Variants in PIP5K1B observed in about 807,000 individuals in gnomAD.
The protein encoded by PIP5K1B is phosphatidylinositol-4-phosphate 5-kinase type 1 beta, also known as phosphatidylinositol 4-phosphate 5-kinase type-1 beta.
A neutral mutation model predicts 67.0 loss-of-function variants in PIP5K1B; 42 were observed. That is an observed-to-expected ratio of 0.63 (90% CI 0.49 to 0.81). The LOEUF is 0.81. PIP5K1B is among the 30% of genes least tolerant of loss of function. The probability of loss-of-function intolerance (pLI) is 0.00; values close to 1 mark genes in which losing one functional copy is unlikely to be tolerated. For missense variants in PIP5K1B, 459 were observed against 646.3 expected (o/e 0.71, Z 3.14); for synonymous variants, 214 against 231.4 (o/e 0.92, Z 0.68).
intron 4 of PIP5K1B, among the ~76,000 whole-genome samples, chr9:68,854,027 T>TTTA (rs67326015): frequency 0.25 from 36,852 of 147,700 alleles, 5,222 homozygotes; most frequent in Middle Eastern, 0.37. Flanking sequence ...TATATAAGTT[T>TTTA]TTATTATTAT....
chr9:68,780,011 T>C (rs952396354), intron 2 of PIP5K1B: 9 of 1,030,626 alleles, frequency 8.7e-6, no homozygotes, highest in Non-Finnish European at 1.2e-5. Flanking sequence ...AGTACGGACA[T>C]CGCGAGCGCC....
intron 4 of PIP5K1B, among the ~76,000 whole-genome samples, chr9:68,844,834 A>G (rs1822106642): frequency 6.6e-6 from 1 of 152,226 alleles, no homozygotes; most frequent in Admixed American, 6.5e-5. Flanking sequence ...CTTGTGAGAA[A>G]AATGACTGCC....
At chr9:68,879,469 GA>G (rs1824063970) in intron 6 of PIP5K1B, among the ~76,000 whole-genome samples, 2 of 152,328 alleles carry the variant, frequency 1.3e-5, no homozygotes, top group South Asian at 4.1e-4. Context: ...TCGGGAGGCT[GA>G]GGCAGGAGAA....
intron 1 of PIP5K1B, among the ~76,000 whole-genome samples, chr9:68,726,224 A>G (rs562350861): frequency 6.6e-6 from 1 of 152,314 alleles, no homozygotes; most frequent in East Asian, 1.9e-4. Flanking sequence ...CCTGTATCAA[A>G]ATAATCTCAT....
chr9:68,865,439 C>T (rs1022970980), intron 5 of PIP5K1B, among the ~76,000 whole-genome samples: 1 of 152,104 alleles, frequency 6.6e-6, no homozygotes, highest in African/African-American at 2.4e-5. Flanking sequence ...TTTGAGCTCT[C>T]ATGGTCTCCA....
chr9:68,899,432 T>G (rs1428129634), intron 8 of PIP5K1B, among the ~76,000 whole-genome samples: 1 of 151,220 alleles, frequency 6.6e-6, no homozygotes, highest in African/African-American at 2.4e-5. Flanking sequence ...AATATGTATT[T>G]GAACAGAGGA....
chr9:68,935,143 A>C (rs756541436), intron 13 of PIP5K1B, 98 bp downstream of exon 13: 113 of 970,486 alleles, frequency 1.2e-4, no homozygotes, highest in Middle Eastern at 5.7e-4. Context: ...CTGCTCTAAG[A>C]AATAAAATAT....
At chr9:68,767,912 G>T (rs1830509866) in intron 2 of PIP5K1B, among the ~76,000 whole-genome samples, 1 of 151,368 alleles carries the variant, frequency 6.6e-6, no homozygotes, top group South Asian at 2.1e-4. Context: ...ACTTTTAAAG[G>T]AATAAATAAA....
intron 5 of PIP5K1B, among the ~76,000 whole-genome samples, chr9:68,876,160 G>A (rs1487538835): frequency 1.3e-5 from 2 of 152,106 alleles, no homozygotes; most frequent in African/African-American, 4.8e-5. Flanking sequence ...AATATGTAAG[G>A]TCTCCTTTTT....
chr9:68,966,019 G>A (rs1829012064), intron 14 of PIP5K1B, among the ~76,000 whole-genome samples: 1 of 149,632 alleles, frequency 6.7e-6, no homozygotes, highest in African/African-American at 2.5e-5. Flanking sequence ...AAACAAAACA[G>A]TGGGGGTGTG....
intron 1 of PIP5K1B, among the ~76,000 whole-genome samples, chr9:68,731,478 C>G (rs1158500465): frequency 2.0e-5 from 3 of 152,142 alleles, no homozygotes; most frequent in Admixed American, 2.0e-4. Flanking sequence ...ATGCTACTTC[C>G]TTTCACTTTT....
chr9:68,933,054 T>C (rs895047348), intron 12 of PIP5K1B, among the ~76,000 whole-genome samples: 2 of 151,036 alleles, frequency 1.3e-5, no homozygotes, highest in African/African-American at 4.9e-5. Context: ...GAGCCGAGAT[T>C]GCGCCATTCT....
At chr9:68,940,942 A>G (rs1827529915) in intron 14 of PIP5K1B, 152 bp downstream of exon 14, 5 of 758,510 alleles carry the variant, frequency 6.6e-6, no homozygotes, top group Non-Finnish European at 1.2e-5. Flanking sequence ...CTTGATTTTT[A>G]CTGTGGCAAA....
At chr9:68,762,934 G>A (rs747015011) in intron 2 of PIP5K1B, among the ~76,000 whole-genome samples, 2 of 152,064 alleles carry the variant, frequency 1.3e-5, no homozygotes, top group Admixed American at 6.6e-5. Context: ...CTGGAGTAGC[G>A]CAGTTATCGA....
rs1825881588 is a variant in PIP5K1B at position 68,912,074 on chromosome 9, C to T, written c.772-5474C>T. Reference sequence around the variant, plus strand: ...TCTCCCTCGAGCTCCCCAGCTGCCCCTACTCATTCAAGTATTACCCTCTCT... The same window carrying T: ...TCTCCCTCGAGCTCCCCAGCTGCCCTTACTCATTCAAGTATTACCCTCTCT... On this transcript the variant is annotated intron_variant, in intron 8 of 15. Transcript: ENST00000265382. 2.0e-5 allele frequency among the ~76,000 whole-genome samples: 3 copies of T among 152,116 alleles called. No individual in the cohort carries two copies. The South Asian group carries it at 6.2e-4, about 32-fold the overall frequency.
intron 12 of PIP5K1B, among the ~76,000 whole-genome samples, chr9:68,934,502 A>G (rs146896835): frequency 0.019 from 2,873 of 152,336 alleles, 36 homozygotes; most frequent in Non-Finnish European, 0.029. Flanking sequence ...ATACTTTACC[A>G]TCTGTGCTTA....
At chr9:68,833,526 G>A (rs556189626) in intron 4 of PIP5K1B, among the ~76,000 whole-genome samples, 2 of 152,324 alleles carry the variant, frequency 1.3e-5, no homozygotes, top group South Asian at 2.1e-4. Context: ...AGAACTGAGG[G>A]GAGTAGGTGC....
intron 8 of PIP5K1B, among the ~76,000 whole-genome samples, chr9:68,913,822 A>AT (rs1825963487): frequency 6.6e-6 from 1 of 151,916 alleles, no homozygotes; most frequent in African/African-American, 2.4e-5. Flanking sequence ...TCTTTTTAAT[A>AT]TTTTTTATCA....
At position 68,937,352 on chromosome 9, in the gene PIP5K1B, A is replaced by C. The variant is rs931082685; in HGVS notation, c.1357+2307A>C. Among the ~76,000 whole-genome samples, 40 of 152,006 alleles carry C rather than the reference A, an allele frequency of 2.6e-4. 1 individual carries two copies. Among genetic ancestry groups the C allele is most frequent in the Admixed American group, 1.3e-4 (2 of 15,240 alleles). On this transcript the variant is annotated intron_variant, in intron 13 of 15. Transcript: ENST00000265382. ...GTTTAGACTTGGGAGGGTCCAAAGA[A>C]TTTATCCCTTCCTTCTAGATTTTCT...
Sources: gnomAD v4.1 joint callset for allele counts (sites outside exome capture counted in the v4.1 genomes callset) on GRCh38, gnomAD v4.1.1 for gene constraint, MANE v1.5 for transcripts, NCBI Gene and HGNC (gene_info 2026-07-23, HGNC 2026-07-21) for gene names.